The following NT5DC1 variants were observed in gnomAD, a reference collection of about 807,000 sequenced individuals.
NT5DC1 encodes 5'-nucleotidase domain-containing protein 1.
A neutral mutation model predicts 59.4 loss-of-function variants in NT5DC1; 42 were observed. The ratio of observed to expected loss-of-function variants is 0.71; its 90% CI spans 0.55 to 0.92. NT5DC1 has a LOEUF of 0.92. Ranked by LOEUF, NT5DC1 falls within the 40% of genes least tolerant of loss-of-function variation. NT5DC1 has a pLI of 0.00. For synonymous variants in NT5DC1, 172 were observed against 188.1 expected (o/e 0.91, Z 0.70); for missense variants, 501 against 537.1 (o/e 0.93, Z 0.66).
chr6:116,241,798 CTG>C (rs1289140689), intron 11 of NT5DC1, among the ~76,000 whole-genome samples: 2 of 151,424 alleles, frequency 1.3e-5, no homozygotes, highest in Non-Finnish European at 2.9e-5. Flanking sequence ...TGGCGGGCGC[CTG>C]TAGTCCCAGC....
intron 6 of NT5DC1, among the ~76,000 whole-genome samples, chr6:116,130,279 A>G (rs2145357): frequency 0.27 from 41,081 of 151,900 alleles, 6,021 homozygotes; most frequent in Middle Eastern, 0.35. Flanking sequence ...TAGTGAGGAA[A>G]GTGTGTGTGT....
At chr6:116,135,419 CA>C (rs1562132258) in intron 6 of NT5DC1, among the ~76,000 whole-genome samples, 2 of 151,968 alleles carry the variant, frequency 1.3e-5, no homozygotes, top group South Asian at 2.1e-4. Flanking sequence ...CCGCCCCCCC[CA>C]CCTTTTTATT....
chr6:116,236,165 G>T (rs947001276), intron 8 of NT5DC1, among the ~76,000 whole-genome samples: 13 of 152,202 alleles, frequency 8.5e-5, no homozygotes, highest in Non-Finnish European at 1.5e-4. Context: ...TGAGAAAAAA[G>T]AGGTTATTTT....
chr6:116,244,292 CG>C lies in NT5DC1; in HGVS notation c.*269del. 4.2e-6 allele frequency: 1 copy of C among 236,446 alleles called. No homozygotes were observed. Among genetic ancestry groups the C allele is most frequent in the Non-Finnish European group, 8.3e-6 (1 of 121,108 alleles). 14.6% of individuals were successfully genotyped at this position (236,446 alleles called of 1,614,324 possible). ...ATTCACCTGGGGACACACACTCACACGCACAGTCACTCTTACACATATGCCT... is the reference window on the plus strand; with the variant it reads ...ATTCACCTGGGGACACACACTCACACCACAGTCACTCTTACACATATGCCT... On this transcript the variant is annotated 3_prime_UTR_variant, in exon 12 of 12. Transcript: ENST00000319550.
At chr6:116,122,489 A>G (rs1322866911) in intron 6 of NT5DC1, among the ~76,000 whole-genome samples, 5 of 152,154 alleles carry the variant, frequency 3.3e-5, no homozygotes, top group Non-Finnish European at 7.4e-5. Context: ...GAGCTCTTAT[A>G]CTCTCCATTA....
At chr6:116,216,237 A>G (rs1562168827) in intron 6 of NT5DC1, among the ~76,000 whole-genome samples, 1 of 152,168 alleles carries the variant, frequency 6.6e-6, no homozygotes, top group Non-Finnish European at 1.5e-5. Flanking sequence ...ATAAAATTCA[A>G]AAGTCCCTGC....
At chr6:116,233,942 A>G (rs936263921) in intron 8 of NT5DC1, among the ~76,000 whole-genome samples, 7 of 136,940 alleles carry the variant, frequency 5.1e-5, no homozygotes, top group Admixed American at 7.2e-5. Flanking sequence ...TTTTTTCTAT[A>G]TCTTCTAACG....
In NT5DC1 at chr6:116,168,081, GT is replaced by G. The variant is rs1446988480; in HGVS notation, c.529+50137del. On this transcript the variant is annotated intron_variant, in intron 6 of 11. Transcript: ENST00000319550. ...ATCTTCGATTTATGATGTACCTGGT[GT>G]CTTTTTTTTTTTTTTTTTTTAAATT... Among the ~76,000 whole-genome samples the G allele has an allele frequency of 4.5e-3, 573 of 128,004 alleles. 4 individuals carry two copies. Among genetic ancestry groups the G allele is most frequent in the African/African-American group, 0.016 (535 of 33,186 alleles). 84.0% of individuals were successfully genotyped at this position (128,004 alleles called of 152,430 possible).
chr6:116,196,552 C>T (rs1042247263), intron 6 of NT5DC1, among the ~76,000 whole-genome samples: 18 of 151,620 alleles, frequency 1.2e-4, no homozygotes, highest in Non-Finnish European at 1.0e-4. Flanking sequence ...TAGAAAAATA[C>T]TCAAACTATT....
At chr6:116,162,602 C>G (rs1325430884) in intron 6 of NT5DC1, among the ~76,000 whole-genome samples, 1 of 152,110 alleles carries the variant, frequency 6.6e-6, no homozygotes, top group African/African-American at 2.4e-5. Flanking sequence ...GTTGAACCAT[C>G]CTTGTGTTCC....
At chr6:116,117,422 C>T (rs1360027353) in intron 5 of NT5DC1, among the ~76,000 whole-genome samples, 1 of 152,102 alleles carries the variant, frequency 6.6e-6, no homozygotes, top group Non-Finnish European at 1.5e-5. Context: ...TATAGTAATA[C>T]AGATGCTCCC....
intron 6 of NT5DC1, among the ~76,000 whole-genome samples, chr6:116,191,339 A>G (rs1422952618): frequency 6.6e-6 from 1 of 152,058 alleles, no homozygotes; most frequent in Non-Finnish European, 1.5e-5. Context: ...ATAGTAAACA[A>G]ACAAACAAAA....
chr6:116,106,094 G>A, intron 1 of NT5DC1, 150 bp from the exon 2 acceptor site: 1 of 657,932 alleles, frequency 1.5e-6, no homozygotes, highest in South Asian at 1.7e-5. Context: ...TGCTTGTGAA[G>A]GAGAATTATA....
chr6:116,211,264 C>G (rs1034671640), intron 6 of NT5DC1, among the ~76,000 whole-genome samples: 2 of 151,924 alleles, frequency 1.3e-5, no homozygotes, highest in African/African-American at 4.8e-5. Context: ...GATTCCATAC[C>G]CCCGGGCACA....
Position 116,164,834 on chromosome 6 carries a change from C to A in NT5DC1, c.529+46889C>A, listed in dbSNP as rs183999415. Among the ~76,000 whole-genome samples the A allele has an allele frequency of 1.9e-3, 282 of 152,120 alleles. 1 individual carries two copies. Among genetic ancestry groups the A allele is most frequent in the African/African-American group, 5.9e-3 (244 of 41,494 alleles). On this transcript the variant is annotated intron_variant, in intron 6 of 11. Transcript: ENST00000319550. The stretch of plus-strand genomic sequence containing the variant: ...TTATGAAGCTTAGTTTAAAAAGATA[C>A]ACGCTTTGGGAGGCCGAGGCAGGCA...
intron 6 of NT5DC1, among the ~76,000 whole-genome samples, chr6:116,209,465 C>CA (rs1450743900): frequency 6.6e-6 from 1 of 151,900 alleles, no homozygotes; most frequent in Non-Finnish European, 1.5e-5. Context: ...TAAAAGATCT[C>CA]AGAGTCTCAG....
At chr6:116,109,955 C>A (rs1582805279) in intron 3 of NT5DC1, among the ~76,000 whole-genome samples, 1 of 152,260 alleles carries the variant, frequency 6.6e-6, no homozygotes, top group East Asian at 1.9e-4. Flanking sequence ...CTTCCAAAAC[C>A]CCCAGTGGTT....
intron 8 of NT5DC1, among the ~76,000 whole-genome samples, chr6:116,233,980 T>G (rs1456867136): frequency 6.8e-6 from 1 of 147,692 alleles, no homozygotes; most frequent in South Asian, 2.2e-4. Flanking sequence ...TATAACTGTT[T>G]TTTTTTTTTT....
At position 116,247,749 on chromosome 6, in the gene NT5DC1, AAAGG is replaced by A. The variant is rs1309994944; in HGVS notation, c.*3728_*3731del. 4.6e-5 allele frequency: 7 copies of A among 152,230 alleles called. No individual in the cohort carries two copies. The highest frequency in any genetic ancestry group is 1.5e-5 in the Non-Finnish European group (1 of 68,034). The allele number at this position is 152,230 out of a possible 1,614,324, so 9.4% of individuals were successfully genotyped here. ...AAAGCTTAACAAAGTTTAATAAAGA[AAAGG>A]AATAAATTACTATCTAAATGTGTTA... On this transcript the variant is annotated 3_prime_UTR_variant, in exon 12 of 12. Transcript: ENST00000319550.
Sources: allele counts gnomAD v4.1 joint callset (sites outside exome capture counted in the v4.1 genomes callset), GRCh38; gene constraint gnomAD v4.1.1; transcripts MANE v1.5; gene names NCBI Gene and HGNC (gene_info 2026-07-23, HGNC 2026-07-21).